Variants in KLHL15 observed in about 807,000 individuals in gnomAD.
KLHL15 encodes kelch-like protein 15.
A neutral mutation model predicts 29.3 loss-of-function variants in KLHL15; 1 was observed. That is an observed-to-expected ratio of 0.03 (90% CI 0.01 to 0.16). KLHL15 has a LOEUF of 0.16. Ranked by LOEUF, KLHL15 falls within the 10% of genes least tolerant of loss-of-function variation. The probability of loss-of-function intolerance (pLI) is 1.00; values close to 1 mark genes in which losing one functional copy is unlikely to be tolerated. For missense variants in KLHL15, 215 were observed against 478.5 expected (o/e 0.45, Z 5.14); for synonymous variants, 212 against 184.5 (o/e 1.15, Z -1.21).
At position 24,006,329 on chromosome X, in the gene KLHL15, G is replaced by A; in HGVS notation, c.365C>T (p.Ser122Phe). 1 of 1,211,561 alleles carries A rather than the reference G, an allele frequency of 8.3e-7. No homozygotes were observed. Among genetic ancestry groups the A allele is most frequent in the Non-Finnish European group, 1.1e-6 (1 of 895,287 alleles). The change falls in exon 3 of 4, where the codon TCT (serine) becomes TTT (phenylalanine). Residue 122 changes from serine to phenylalanine, a missense_variant. Coordinates refer to ENST00000328046, the MANE Select transcript of KLHL15 (RefSeq NM_030624.3). The part of the protein sequence containing the change: ...QLIEVVKFCC[S>F]FLLAKICLEN... ...TAGGCAGATCTTCGCTAAGAGAAAA[G>A]AGCAGCAGAACTTCACCACTTCTAT...
At chrX:24,022,363 CT>C (rs1199982278) in intron 2 of KLHL15, among the ~76,000 whole-genome samples, 4 of 85,858 alleles carry the variant, frequency 4.7e-5, no homozygotes. Context: ...AAAAAAAAGG[CT>C]GGGCACGGTG....
At chrX:23,989,080 A>G in intron 3 of KLHL15, 50 bp from the exon 4 acceptor site, 1 of 1,051,548 alleles carries the variant, frequency 9.5e-7, no homozygotes, top group Non-Finnish European at 1.3e-6. Context: ...CATCAGCTGC[A>G]AACAAATTAT....
intron 2 of KLHL15, among the ~76,000 whole-genome samples, chrX:24,018,777 T>C (rs1293970428): frequency 9.0e-6 from 1 of 111,460 alleles, no homozygotes; most frequent in African/African-American, 3.3e-5. Flanking sequence ...AGAGGTGGGC[T>C]GATCACTTGA....
intron 2 of KLHL15, among the ~76,000 whole-genome samples, chrX:24,017,921 G>A (rs5925984): frequency 0.18 from 19,703 of 110,269 alleles, 1,470 homozygotes; most frequent in South Asian, 0.52. Flanking sequence ...TGGGCAATGT[G>A]GCCAGACCTC....
chrX:24,015,574 T>TA (rs1268930850), intron 2 of KLHL15, among the ~76,000 whole-genome samples: 4 of 112,521 alleles, frequency 3.6e-5, no homozygotes, highest in Admixed American at 1.9e-4. Flanking sequence ...ACCAACATGA[T>TA]AGAGTCTCTA....
chrX:24,016,005 A>T (rs1309147277), intron 2 of KLHL15, among the ~76,000 whole-genome samples: 1 of 108,597 alleles, frequency 9.2e-6, no homozygotes, highest in Non-Finnish European at 1.9e-5. Flanking sequence ...ATCTCAAATT[A>T]ATTAATTAGT....
At chrX:23,992,846 A>G (rs1178857124) in intron 3 of KLHL15, among the ~76,000 whole-genome samples, 5 of 112,426 alleles carry the variant, frequency 4.4e-5, no homozygotes, top group Admixed American at 9.5e-5. Context: ...AACAAGTATT[A>G]TAACGAGTGA....
chrX:24,000,981 G>A (rs1929303064), intron 3 of KLHL15, among the ~76,000 whole-genome samples: 1 of 111,964 alleles, frequency 8.9e-6, no homozygotes, highest in African/African-American at 3.2e-5. Context: ...ATTTCACCCG[G>A]CCCAAAGTTG....
chrX:24,022,978 G>A (rs917362200), intron 2 of KLHL15, among the ~76,000 whole-genome samples: 1 of 110,993 alleles, frequency 9.0e-6, no homozygotes, highest in African/African-American at 3.3e-5. Context: ...CAGGTGATCC[G>A]CCCGCCTCGG....
At chrX:23,993,110 C>T (rs1929117503) in intron 3 of KLHL15, among the ~76,000 whole-genome samples, 1 of 112,005 alleles carries the variant, frequency 8.9e-6, no homozygotes. Flanking sequence ...TAAGAAGAAA[C>T]TTAAATCCAA....
intron 2 of KLHL15, among the ~76,000 whole-genome samples, chrX:24,008,871 G>GGA (rs1555977226): frequency 2.7e-5 from 2 of 74,563 alleles, no homozygotes; most frequent in African/African-American, 5.2e-5. Flanking sequence ...ACGCGTGTTA[G>GGA]AAAAAAAAAA....
At chrX:24,006,937 C>T (rs903860994) in intron 2 of KLHL15, among the ~76,000 whole-genome samples, 3 of 111,456 alleles carry the variant, frequency 2.7e-5, no homozygotes, top group African/African-American at 9.8e-5. Flanking sequence ...AACCCCAGCA[C>T]TTTGGGAGGC....
At chrX:23,993,707 G>C (rs1056605624) in intron 3 of KLHL15, among the ~76,000 whole-genome samples, 3 of 109,480 alleles carry the variant, frequency 2.7e-5, no homozygotes, top group Admixed American at 2.0e-4. Context: ...GCAGCTGTAG[G>C]AACAAAACTG....
In KLHL15 at chrX:23,986,750, C is replaced by T. The variant is rs1481566917; in HGVS notation, c.*1171G>A. ...AGTAACATTATAATTCTATTTCTTA[C>T]CTCTAAGTCAAAACTGAGGTCAAAT... On this transcript the variant is annotated 3_prime_UTR_variant, in exon 4 of 4. Coordinates refer to ENST00000328046, the MANE Select transcript of KLHL15 (RefSeq NM_030624.3). The T allele has an allele frequency of 2.7e-5, 3 of 111,945 alleles. No individual in the cohort carries two copies. The East Asian group carries it at 8.3e-4, about 31-fold the overall frequency. The allele number at this position is 111,945 out of a possible 1,213,427, so 9.2% of individuals were successfully genotyped here.
chrX:23,996,634 G>A (rs12007905), intron 3 of KLHL15, among the ~76,000 whole-genome samples: 209 of 111,758 alleles, frequency 1.9e-3, no homozygotes, highest in African/African-American at 5.9e-3. Flanking sequence ...CTGCACTCCA[G>A]CTTGGATGAC....
In KLHL15 at chrX:23,987,492, T is replaced by A. The variant is rs1009305911; in HGVS notation, c.*429A>T. ...TCAAGAGTTTTAAACTTTTAAATAA[T>A]AAAACTAAAAAGTATAACAGACTGA... On this transcript the variant is annotated 3_prime_UTR_variant, in exon 4 of 4. Coordinates refer to ENST00000328046, the MANE Select transcript of KLHL15 (RefSeq NM_030624.3). 1 of 114,978 alleles carries A rather than the reference T, an allele frequency of 8.7e-6. No homozygotes were observed. Among genetic ancestry groups the A allele is most frequent in the Non-Finnish European group, 1.8e-5 (1 of 55,237 alleles). 9.5% of individuals were successfully genotyped at this position (114,978 alleles called of 1,213,427 possible).
intron 3 of KLHL15, among the ~76,000 whole-genome samples, chrX:24,001,874 C>T (rs1163411003): frequency 9.4e-6 from 1 of 106,568 alleles, no homozygotes; most frequent in East Asian, 2.9e-4. Context: ...TGGCTCACGC[C>T]TGTAATCCCA....
intron 3 of KLHL15, among the ~76,000 whole-genome samples, chrX:23,989,331 C>T (rs1198813266): frequency 1.8e-5 from 2 of 109,655 alleles, no homozygotes; most frequent in East Asian, 5.7e-4. Context: ...CCTGCCACCA[C>T]GCGCCCAGCT....
chrX:23,999,863 C>T (rs1162342012), intron 3 of KLHL15, among the ~76,000 whole-genome samples: 1 of 111,957 alleles, frequency 8.9e-6, no homozygotes, highest in African/African-American at 3.2e-5. Flanking sequence ...TGCGTGATTT[C>T]GAAAGAACTG....
Sources: allele counts gnomAD v4.1 joint callset (sites outside exome capture counted in the v4.1 genomes callset), GRCh38; gene constraint gnomAD v4.1.1; transcripts MANE v1.5; gene names NCBI Gene and HGNC (gene_info 2026-07-23, HGNC 2026-07-21).